NTN5: variants seen among roughly 807,000 people sequenced by gnomAD.
The protein encoded by NTN5 is netrin 5.
A neutral mutation model predicts 38.7 loss-of-function variants in NTN5; 42 were observed. That is an observed-to-expected ratio of 1.08 (90% CI 0.85 to 1.40). The LOEUF (loss-of-function observed/expected upper bound fraction) is 1.40, where lower values mean the gene tolerates loss of function less well. Ranked by LOEUF, NTN5 falls within the 40% of genes most tolerant of loss-of-function variation. NTN5 has a pLI of 0.00. For missense variants in NTN5, 658 were observed against 716.5 expected, an observed-to-expected ratio of 0.92 and a Z score of 0.93; for synonymous variants, 329 against 303.9, an observed-to-expected ratio of 1.08 and a Z score of -0.86.
chr19:48,667,262 T>C (rs1246857363), intron 2 of NTN5: 1 of 181,426 alleles, frequency 5.5e-6, no homozygotes, highest in African/African-American at 2.4e-5. Flanking sequence ...AGGATGTCTG[T>C]GAAGCCCATA....
chr19:48,669,408 T>C (rs867208723), intron 2 of NTN5, among the ~76,000 whole-genome samples: 9 of 4,606 alleles, frequency 2.0e-3, no homozygotes, highest in Admixed American at 5.1e-3. Context: ...ACCACCACCA[T>C]CACCACCACC....
intron 5 of NTN5, 44 bp downstream of exon 5, chr19:48,663,717 A>T: frequency 1.3e-6 from 2 of 1,597,222 alleles, no homozygotes; most frequent in African/African-American, 1.3e-5. Flanking sequence ...GCCCATCCTC[A>T]TTCCCACTTG....
Position 48,661,888 on chromosome 19 carries a change from C to T in NTN5, c.1259G>A (p.Cys420Tyr). Residue 420 changes from cysteine (C) to tyrosine (Y), a missense_variant, in exon 7 of 7, where the codon TGC (cysteine) becomes TAC (tyrosine). Physicochemically the swap from Cys to Tyr is radical, Grantham distance 194. Coordinates refer to ENST00000270235, the MANE Select transcript of NTN5 (RefSeq NM_145807.4). ...GTCGGTGCCTGGCTGCAGGCGCAGG[C>T]AGCCGCAGGTCAGGTCGGCGCGGGG... ...WVPRADLTCG[C>Y]LRLQPGTDYL... 2 of 1,349,636 alleles carry T rather than the reference C, an allele frequency of 1.5e-6. No homozygotes were observed. Among genetic ancestry groups the T allele is most frequent in the Non-Finnish European group, 1.9e-6 (2 of 1,052,946 alleles). 83.6% of individuals were successfully genotyped at this position (1,349,636 alleles called of 1,614,324 possible).
rs978495657 is a variant in NTN5 at position 48,670,374 on chromosome 19, G to A, written c.613C>T (p.His205Tyr). ...GACTCACGTAGGCAAGGGTGGGGGT[G>A]CCGGGGCGTGGCAGGCCGCCAGGGC... Reference protein sequence around the residue: ...DWPWRPATPRHPHPCLPCSCN... With the variant: ...DWPWRPATPRYPHPCLPCSCN... The change falls in exon 2 of 7, where the codon CAC becomes TAC. Residue 205 changes from histidine to tyrosine, a missense_variant. His to Tyr is a moderately conservative substitution (Grantham distance 83). Transcript: ENST00000270235. 11 of 1,414,952 alleles carry A rather than the reference G, an allele frequency of 7.8e-6. No individual in the cohort carries two copies. In the African/African-American group the frequency reaches 1.5e-4, roughly 20 times the overall value. 87.6% of individuals were successfully genotyped at this position (1,414,952 alleles called of 1,614,324 possible).
In NTN5 at chr19:48,670,652, G is replaced by T; in HGVS notation, c.335C>A (p.Pro112His). Residue 112 changes from proline to histidine, a missense_variant, in exon 2 of 7, where the codon CCT (proline) becomes CAT (histidine). Transcript: ENST00000270235. ...CCTTTCAGGGCCCCCTAAGGCCCCA[G>T]GCCAGGCGGGCCTGTGCCACAGCAG... ...WRLLWHRPAW[P>H]GALGGPERVT... 6.2e-7 allele frequency: 1 copy of T among 1,605,276 alleles called. No homozygotes were observed. The highest frequency in any genetic ancestry group is 1.3e-5 in the African/African-American group (1 of 74,916).
rs2031921520 is a variant in NTN5, at chr19:48,670,367, TGG to T, written c.618_619del (p.His207ProfsTer19). 1.4e-6 allele frequency: 2 copies of T among 1,408,508 alleles called. No homozygotes were observed. Among genetic ancestry groups the T allele is most frequent in the East Asian group, 5.7e-5 (2 of 35,382 alleles). 87.3% of individuals were successfully genotyped at this position (1,408,508 alleles called of 1,614,324 possible). On this transcript the variant is annotated frameshift_variant, in exon 2 of 7. Transcript: ENST00000270235. LOFTEE classifies it high-confidence loss of function. The stretch of plus-strand genomic sequence containing the variant: ...GGCGCAGGACTCACGTAGGCAAGGG[TGG>T]GGGTGCCGGGGCGTGGCAGGCCGCC...
rs1450024724 is a variant in NTN5, at chr19:48,664,688, A to G, written c.711T>C (p.Gly237=). 13 of 1,606,850 alleles carry G rather than the reference A, an allele frequency of 8.1e-6. No homozygotes were observed. The highest frequency in any genetic ancestry group is 1.0e-5 in the Non-Finnish European group (12 of 1,177,540). ...LFRLSGGRSG[G]VCERCRHHTA... ...TGTGGTGGCGGCACCGCTCACAAACACCCCCACTCCGGCCGCCCGACAGTC... is the reference window on the plus strand; with the variant it reads ...TGTGGTGGCGGCACCGCTCACAAACGCCCCCACTCCGGCCGCCCGACAGTC... Residue 237 remains glycine (G), a synonymous_variant, in exon 3 of 7, where the codon GGT becomes GGC. Transcript: ENST00000270235.
chr19:48,669,504 CGACCAT>C (rs1178216775), intron 2 of NTN5, among the ~76,000 whole-genome samples: 2 of 19,016 alleles, frequency 1.1e-4, no homozygotes, highest in Admixed American at 5.8e-4. Flanking sequence ...ACCACCACCA[CGACCAT>C]CATCACCACC....
intron 2 of NTN5, among the ~76,000 whole-genome samples, chr19:48,668,963 TATCACCACCATC>T (rs1389744559): frequency 8.7e-4 from 107 of 122,546 alleles, no homozygotes; most frequent in Non-Finnish European, 1.5e-3. Context: ...TCATCACCAC[TATCACCACCATC>T]ATCACCACTA....
intron 1 of NTN5, 52 bp from the exon 2 acceptor site, chr19:48,671,058 C>A (rs959647945): frequency 8.0e-6 from 11 of 1,375,162 alleles, no homozygotes; most frequent in African/African-American, 1.5e-5. Context: ...AGCCTCTACC[C>A]CTCCTGGAGG....
intron 6 of NTN5, chr19:48,663,243 A>G (rs778645103): frequency 4.5e-6 from 3 of 668,022 alleles, no homozygotes; most frequent in South Asian, 1.5e-5. Flanking sequence ...GCCGAAGAAC[A>G]TGGGGAAAGA....
intron 2 of NTN5, among the ~76,000 whole-genome samples, chr19:48,669,336 C>T (rs866693310): frequency 1.9e-5 from 1 of 52,264 alleles, no homozygotes; most frequent in Non-Finnish European, 4.0e-5. Context: ...ACCACCACCA[C>T]CATCACCACC....
chr19:48,663,711 A>G, intron 5 of NTN5, 50 bp downstream of exon 5: 3 of 1,585,964 alleles, frequency 1.9e-6, no homozygotes, highest in Non-Finnish European at 2.6e-6. Context: ...CAGTCAGCCC[A>G]TCCTCATTCC....
chr19:48,661,900 A>C lies in NTN5; in HGVS notation c.1247T>G (p.Leu416Arg), dbSNP rs549539292. ...CTGCAGGCGCAGGCAGCCGCAGGTC[A>C]GGTCGGCGCGGGGCACCCAGGCGTC... ...DQDAWVPRAD[L>R]TCGCLRLQPG... The change falls in exon 7 of 7, where the codon CTG becomes CGG. Residue 416 changes from leucine to arginine, a missense_variant. By Grantham distance (102) the Leu-to-Arg change is moderately radical. Transcript: ENST00000270235. 8.8e-3 allele frequency: 11,898 copies of C among 1,352,120 alleles called. 61 individuals are homozygous for C. Among genetic ancestry groups the C allele is most frequent in the Non-Finnish European group, 0.01 (10,824 of 1,054,598 alleles). 83.8% of individuals were successfully genotyped at this position (1,352,120 alleles called of 1,614,324 possible).
chr19:48,672,996 C>G lies in NTN5; in HGVS notation c.-85G>C. 6.3e-6 allele frequency: 2 copies of G among 319,158 alleles called. No individual in the cohort carries two copies. Among genetic ancestry groups the G allele is most frequent in the East Asian group, 1.9e-4 (2 of 10,442 alleles). 19.8% of individuals were successfully genotyped at this position (319,158 alleles called of 1,614,324 possible). ...CAGGCTCTTCCTCCAAGCTGTGGCG[C>G]GGTGGGCTCTCAGGAGGGAGTGGCG... On this transcript the variant is annotated 5_prime_UTR_variant, in exon 1 of 7. Transcript: ENST00000270235.
chr19:48,661,770 C>T lies in NTN5; in HGVS notation c.1377G>A (p.Trp459Ter), dbSNP rs2031551036. 8.9e-6 allele frequency: 13 copies of T among 1,462,740 alleles called. No homozygotes were observed. Among genetic ancestry groups the T allele is most frequent in the African/African-American group, 1.5e-5 (1 of 67,752 alleles). The allele number at this position is 1,462,740 out of a possible 1,614,324, so 90.6% of individuals were successfully genotyped here. ...HGLALPWRPR[W>*]ARPLKRLQQE... ...GCTGCAGCCGCTTCAGGGGCCGGGC[C>T]CAGCGCGGCCTCCATGGCAGCGCGA... Residue 459 changes from tryptophan (W) to a stop codon, truncating the protein, a stop_gained, in exon 7 of 7, where the codon TGG (tryptophan) becomes TGA (stop). Transcript: ENST00000270235. LOFTEE classifies it low-confidence loss of function (END_TRUNC).
chr19:48,669,880 T>TACCATCATCACCATCACC (rs2031890452), intron 2 of NTN5, among the ~76,000 whole-genome samples: 1 of 17,818 alleles, frequency 5.6e-5, no homozygotes, highest in Non-Finnish European at 1.2e-4. Flanking sequence ...TCATCACCAC[T>TACCATCATCACCATCACC]ACCATCACCA....
At chr19:48,667,496 A>G (rs568076851) in intron 2 of NTN5, 22 of 236,400 alleles carry the variant, frequency 9.3e-5, no homozygotes, top group South Asian at 7.6e-4. Flanking sequence ...CTGCTTAGGT[A>G]AAAGATTTGG....
rs1422829131 is a variant in NTN5, at chr19:48,664,606, G to T, written c.793C>A (p.Pro265Thr). Residue 265 changes from proline (P) to threonine (T), a missense_variant, in exon 3 of 7, where the codon CCT becomes ACT. Physicochemically the swap from Pro to Thr is conservative, Grantham distance 38. Transcript: ENST00000270235. ...QPGFWRDPSQ[P>T]IFSRRACRAC... ...CTGCAGGCCCTGCGGCTGAAGATAG[G>T]CTGGCTAGGGTCCCTCCAGAACCCA... The T allele has an allele frequency of 6.2e-7, 1 of 1,613,158 alleles. No homozygotes were observed. The highest frequency in any genetic ancestry group is 1.3e-5 in the African/African-American group (1 of 74,926).
Sources: gnomAD v4.1 joint callset for allele counts (sites outside exome capture counted in the v4.1 genomes callset) on GRCh38, gnomAD v4.1.1 for gene constraint, MANE v1.5 for transcripts, NCBI Gene and HGNC (gene_info 2026-07-23, HGNC 2026-07-21) for gene names.